PAK1: variants seen among roughly 807,000 people sequenced by gnomAD.
The protein encoded by PAK1 is serine/threonine-protein kinase PAK 1.
In PAK1, 29 loss-of-function variants were observed where a neutral mutation model predicts 67.4. That is an observed-to-expected ratio of 0.43 (90% confidence interval 0.32 to 0.59). The LOEUF (loss-of-function observed/expected upper bound fraction) is 0.59. Ranked by LOEUF, PAK1 falls within the 20% of genes least tolerant of loss-of-function variation. The probability of loss-of-function intolerance (pLI) is 0.07; values close to 1 mark genes in which losing one functional copy is unlikely to be tolerated. For synonymous variants in PAK1, 223 were observed against 237.4 expected (o/e 0.94, Z 0.56); for missense variants, 337 against 670.7 (o/e 0.50, Z 5.50).
chr11:77,374,271 G>A (rs1948812868), intron 5 of PAK1, 57 bp downstream of exon 5: 2 of 1,177,060 alleles, frequency 1.7e-6, no homozygotes, highest in East Asian at 4.7e-5. Flanking sequence ...CTACCACACT[G>A]TCTTGATCCT....
chr11:77,527,049 C>A, the PAK1 span, among the ~76,000 whole-genome samples: 1,842 of 152,090 alleles, frequency 0.012, 19 homozygotes, highest in South Asian at 0.036. Flanking sequence ...TTGTAAAAAC[C>A]AATAAAGGAA....
intron 1 of PAK1, among the ~76,000 whole-genome samples, chr11:77,433,774 G>A (rs550413951): frequency 5.5e-4 from 83 of 152,190 alleles, no homozygotes; most frequent in African/African-American, 1.9e-3. Context: ...GCAAGACTGC[G>A]TCTCAAAAAA....
chr11:77,350,346 C>T (rs1759210780), intron 8 of PAK1, among the ~76,000 whole-genome samples: 1 of 152,120 alleles, frequency 6.6e-6, no homozygotes, highest in Non-Finnish European at 1.5e-5. Flanking sequence ...CCACTTGACA[C>T]ATGTGTGTAC....
chr11:77,422,645 C>G (rs1333593103), intron 1 of PAK1, among the ~76,000 whole-genome samples: 1 of 152,112 alleles, frequency 6.6e-6, no homozygotes, highest in African/African-American at 2.4e-5. Flanking sequence ...TTTGCCAACC[C>G]TAATTTTATC....
At chr11:77,467,585 T>C (rs757589142) in intron 1 of PAK1, among the ~76,000 whole-genome samples, 1 of 152,216 alleles carries the variant, frequency 6.6e-6, no homozygotes, top group Non-Finnish European at 1.5e-5. Flanking sequence ...GAATCACCTA[T>C]AAACCTTTCA....
chr11:77,435,596 C>T (rs1232645110), intron 1 of PAK1, among the ~76,000 whole-genome samples: 1 of 149,872 alleles, frequency 6.7e-6, no homozygotes, highest in African/African-American at 2.5e-5. Flanking sequence ...CGGGTTCACG[C>T]CATTCTCTTG....
intron 5 of PAK1, among the ~76,000 whole-genome samples, chr11:77,366,512 T>G (rs1476856910): frequency 6.6e-6 from 1 of 152,180 alleles, no homozygotes; most frequent in Non-Finnish European, 1.5e-5. Context: ...GAAAATATAC[T>G]GGGGCAAAGT....
chr11:77,358,754 G>C (rs1251821548), intron 6 of PAK1, 144 bp downstream of exon 6: 1 of 763,202 alleles, frequency 1.3e-6, no homozygotes, highest in African/African-American at 1.7e-5. Flanking sequence ...AGTACCTTTA[G>C]TCAAGGTAGT....
At chr11:77,497,137 C>T in the PAK1 span, among the ~76,000 whole-genome samples, 1 of 152,060 alleles carries the variant, frequency 6.6e-6, no homozygotes, top group Admixed American at 6.5e-5. Context: ...TGTGGGAAGC[C>T]TTCAGGAACT....
intron 1 of PAK1, among the ~76,000 whole-genome samples, chr11:77,417,640 A>G (rs1955038448): frequency 6.6e-6 from 1 of 152,350 alleles, no homozygotes; most frequent in East Asian, 1.9e-4. Flanking sequence ...TTTAGTCAAT[A>G]ATAATGTATC....
At chr11:77,519,637 T>C in the PAK1 span, among the ~76,000 whole-genome samples, 8 of 152,232 alleles carry the variant, frequency 5.3e-5, no homozygotes, top group South Asian at 2.1e-4. Context: ...GGTTTTTTTT[T>C]CCTAATTCTA....
chr11:77,419,345 A>T (rs1955134920), intron 1 of PAK1, among the ~76,000 whole-genome samples: 2 of 152,224 alleles, frequency 1.3e-5, no homozygotes, highest in South Asian at 4.1e-4. Context: ...TCATTTAAAT[A>T]GTCCTCTGGT....
At chr11:77,443,299 G>T (rs571717467) in intron 1 of PAK1, among the ~76,000 whole-genome samples, 2 of 137,684 alleles carry the variant, frequency 1.5e-5, no homozygotes, top group Admixed American at 7.5e-5. Flanking sequence ...GTGAGACTCC[G>T]TCTCTTAAAA....
Position 77,342,228 on chromosome 11 carries a change from T to A in PAK1, c.999-1465A>T, listed in dbSNP as rs552585082. ...CCTCTTCCATGACCTTACAGAGGTA[T>A]TTTTTTTTTTTCTATACCAGACCAG... is the stretch of plus-strand genomic sequence containing the variant. On this transcript the variant is annotated intron_variant, in intron 10 of 14. Coordinates refer to ENST00000356341, the MANE Select transcript of PAK1 (RefSeq NM_002576.5). 7.2e-3 allele frequency among the ~76,000 whole-genome samples: 884 copies of A among 122,082 alleles called. 5 individuals are homozygous for A. Among genetic ancestry groups the A allele is most frequent in the Middle Eastern group, 0.034 (9 of 262 alleles). The allele number at this position is 122,082 out of a possible 152,430, so 80.1% of individuals were successfully genotyped here.
At chr11:77,324,900 GAAC>G (rs1380407133) in intron 14 of PAK1, among the ~76,000 whole-genome samples, 1 of 152,104 alleles carries the variant, frequency 6.6e-6, no homozygotes, top group Non-Finnish European at 1.5e-5. Flanking sequence ...GAGCTACTGA[GAAC>G]AAGAACGTAC....
chr11:77,382,565 CTT>C (rs1949972120), intron 2 of PAK1, among the ~76,000 whole-genome samples: 1 of 152,154 alleles, frequency 6.6e-6, no homozygotes, highest in Non-Finnish European at 1.5e-5. Context: ...CATTTCCTAT[CTT>C]ATATAATTCC....
intron 14 of PAK1, chr11:77,325,511 T>C (rs1416020683): frequency 2.3e-6 from 2 of 860,142 alleles, no homozygotes; most frequent in East Asian, 5.4e-5. Context: ...CATTTATTAC[T>C]AGTTATATTA....
the PAK1 span, among the ~76,000 whole-genome samples, chr11:77,503,439 C>CTT: frequency 6.6e-6 from 1 of 152,250 alleles, no homozygotes; most frequent in South Asian, 2.1e-4. Context: ...CAAGGCAAGA[C>CTT]AGCAGTTCTC....
At chr11:77,352,625 G>C (rs1351964494) in intron 8 of PAK1, among the ~76,000 whole-genome samples, 2 of 152,120 alleles carry the variant, frequency 1.3e-5, no homozygotes, top group African/African-American at 4.8e-5. Context: ...GACTCACCTA[G>C]AGCAACTTCC....
Sources: allele counts gnomAD v4.1 joint callset (sites outside exome capture counted in the v4.1 genomes callset), GRCh38; gene constraint gnomAD v4.1.1; transcripts MANE v1.5; gene names NCBI Gene and HGNC (gene_info 2026-07-23, HGNC 2026-07-21).